The following SEL1L3 variants were observed in gnomAD, a reference collection of about 807,000 sequenced individuals.
SEL1L3 encodes the protein SEL1L family member 3, also known as protein sel-1 homolog 3.
Under a neutral mutation model 142.8 loss-of-function variants are expected in SEL1L3, and 76 were observed. The ratio of observed to expected loss-of-function variants is 0.53; its 90% CI spans 0.44 to 0.64. The LOEUF is 0.64. SEL1L3 is among the 30% of genes least tolerant of loss of function. The probability of loss-of-function intolerance (pLI) is 0.00; values close to 1 mark genes in which losing one functional copy is unlikely to be tolerated. For missense variants in SEL1L3, 1,262 were observed against 1,381.7 expected (o/e 0.91, Z 1.37); for synonymous variants, 504 against 519.6 (o/e 0.97, Z 0.41).
chr4:25,821,048 T>A (rs1280502014), intron 7 of SEL1L3, among the ~76,000 whole-genome samples: 1 of 152,234 alleles, frequency 6.6e-6, no homozygotes, highest in African/African-American at 2.4e-5. Context: ...AGATTTCTTA[T>A]TGTGGACAAC....
intron 1 of SEL1L3, among the ~76,000 whole-genome samples, chr4:25,858,678 T>C (rs1717440017): frequency 6.6e-6 from 1 of 152,062 alleles, no homozygotes; most frequent in Non-Finnish European, 1.5e-5. Flanking sequence ...CTCTCCCTCC[T>C]GGGTTCAAGC....
chr4:25,824,922 C>T (rs2109267705), intron 6 of SEL1L3, among the ~76,000 whole-genome samples: 1 of 152,098 alleles, frequency 6.6e-6, no homozygotes, highest in South Asian at 2.1e-4. Flanking sequence ...CTTTTGGGCT[C>T]TGATTATTTT....
chr4:25,788,351 T>A lies in SEL1L3; in HGVS notation c.2090A>T (p.Gln697Leu). 1 of 1,613,944 alleles carries A rather than the reference T, an allele frequency of 6.2e-7. No homozygotes were observed. Among genetic ancestry groups the A allele is most frequent in the Non-Finnish European group, 8.5e-7 (1 of 1,179,860 alleles). Residue 697 changes from glutamine to leucine, a missense_variant, in exon 13 of 24, where the codon CAG (glutamine) becomes CTG (leucine). Physicochemically the swap from Gln to Leu is moderately radical, Grantham distance 113. Transcript: ENST00000399878. The surrounding 1 kb of genome is among the most constrained non-coding windows in gnomAD (Gnocchi z 5.3). ...GNAAAQQRLA[Q>L]MLFWGQQGVA... ...ACCTTGCTGCCCCCAGAACAGCATC[T>A]GGGCCAATCGTTGCTTAAAGATAAT...
intron 14 of SEL1L3, 130 bp from the exon 15 acceptor site, chr4:25,782,548 T>C: frequency 1.3e-6 from 1 of 797,166 alleles, no homozygotes; most frequent in Non-Finnish European, 1.9e-6. Flanking sequence ...TTGGAGCAGA[T>C]GGCATTAAAG....
intron 23 of SEL1L3, among the ~76,000 whole-genome samples, chr4:25,755,044 C>T (rs1415971152): frequency 4.6e-5 from 7 of 151,950 alleles, no homozygotes; most frequent in Non-Finnish European, 7.4e-5. Context: ...AAAAGAAGTT[C>T]GAAATTCTGC....
intron 23 of SEL1L3, among the ~76,000 whole-genome samples, chr4:25,757,066 G>C (rs897790022): frequency 6.6e-6 from 1 of 152,010 alleles, no homozygotes; most frequent in Non-Finnish European, 1.5e-5. Context: ...TCAGGAATTC[G>C]AGACCAGCCT....
At chr4:25,859,958 G>A (rs779521980) in intron 1 of SEL1L3, among the ~76,000 whole-genome samples, 19 of 152,158 alleles carry the variant, frequency 1.2e-4, no homozygotes, top group African/African-American at 4.1e-4. Context: ...CTAATGGCCC[G>A]TACATCGATG....
At chr4:25,734,210 TG>T in the SEL1L3 span, among the ~76,000 whole-genome samples, 4 of 152,080 alleles carry the variant, frequency 2.6e-5, no homozygotes, top group East Asian at 7.8e-4. Context: ...TTTGTTTGTT[TG>T]TTTTTTGTAT....
At chr4:25,723,232 T>C in the SEL1L3 span, among the ~76,000 whole-genome samples, 8 of 152,182 alleles carry the variant, frequency 5.3e-5, no homozygotes, top group Admixed American at 1.3e-4. Context: ...TCTCTGTTGA[T>C]TAGGAGAACA....
rs113879802 is a variant in SEL1L3, at chr4:25,824,772, T to C, written c.1158-2644A>G. ...TGTAATCATACCATTTACTTACATA[T>C]GTAATTCAATAAAACATGAGTGGGG... On this transcript the variant is annotated intron_variant, in intron 6 of 23. Coordinates refer to ENST00000399878, the MANE Select transcript of SEL1L3 (RefSeq NM_015187.5). Among the ~76,000 whole-genome samples the C allele has an allele frequency of 9.9e-3, 1,515 of 152,358 alleles. 23 individuals carry two copies. Among genetic ancestry groups the C allele is most frequent in the African/African-American group, 0.034 (1,422 of 41,574 alleles).
chr4:25,818,247 C>T lies in SEL1L3; in HGVS notation c.1455G>A (p.Gln485=). The T allele has an allele frequency of 6.2e-7, 1 of 1,602,652 alleles. No homozygotes were observed. The highest frequency in any genetic ancestry group is 8.5e-7 in the Non-Finnish European group (1 of 1,174,602). Residue 485 remains glutamine, a synonymous_variant, in exon 9 of 24, where the codon CAG becomes CAA. Transcript: ENST00000399878. Reference sequence around the variant, plus strand: ...ACATCGAGGGTCTCCCATACCTGCGCTGGAGGTCCAGGTAGGAGTTGTGGA... The same window carrying T: ...ACATCGAGGGTCTCCCATACCTGCGTTGGAGGTCCAGGTAGGAGTTGTGGA... The part of the protein sequence containing the change: ...CHLHNSYLDL[Q]RRYGRPSMCR...
At chr4:25,851,336 C>A (rs1183505452) in intron 1 of SEL1L3, among the ~76,000 whole-genome samples, 1 of 152,090 alleles carries the variant, frequency 6.6e-6, no homozygotes, top group Non-Finnish European at 1.5e-5. Context: ...CAGTCACTTC[C>A]CATTTTTTTG....
intron 15 of SEL1L3, among the ~76,000 whole-genome samples, chr4:25,780,958 TG>T (rs1185605411): frequency 6.6e-6 from 1 of 151,490 alleles, no homozygotes; most frequent in Non-Finnish European, 1.5e-5. Flanking sequence ...CTCGAGTGCC[TG>T]AGATTACAAG....
chr4:25,804,521 G>T lies in SEL1L3; in HGVS notation c.1776+20C>A. The T allele has an allele frequency of 1.3e-6, 2 of 1,549,490 alleles. No homozygotes were observed. The highest frequency in any genetic ancestry group is 1.8e-6 in the Non-Finnish European group (2 of 1,127,924). On this transcript the variant is annotated intron_variant, in intron 10 of 23. Transcript: ENST00000399878. ...TATAATGCAAGTGACTGATGTTAAT[G>T]GAGCAATGAAATACTCTACCTGCAG...
the SEL1L3 span, among the ~76,000 whole-genome samples, chr4:25,731,084 G>A: frequency 3.3e-5 from 5 of 152,156 alleles, no homozygotes; most frequent in Admixed American, 6.5e-5. Flanking sequence ...AGTTACAAGT[G>A]TCAGGGCTGT....
intron 1 of SEL1L3, among the ~76,000 whole-genome samples, chr4:25,853,094 C>T (rs1018247736): frequency 8.5e-5 from 13 of 152,098 alleles, no homozygotes; most frequent in African/African-American, 2.4e-4. Flanking sequence ...CATACATACA[C>T]GCCAGGTGTT....
chr4:25,768,769 T>G (rs1348628989), intron 17 of SEL1L3, among the ~76,000 whole-genome samples: 1 of 152,016 alleles, frequency 6.6e-6, no homozygotes, highest in East Asian at 1.9e-4. Context: ...GGCAGGGTAT[T>G]CAAAAACATA....
At chr4:25,730,815 G>A in the SEL1L3 span, among the ~76,000 whole-genome samples, 2 of 152,116 alleles carry the variant, frequency 1.3e-5, no homozygotes, top group Non-Finnish European at 2.9e-5. Flanking sequence ...GATCACCTGA[G>A]GTCAGGAGTT....
intron 23 of SEL1L3, among the ~76,000 whole-genome samples, chr4:25,751,797 T>G (rs191191657): frequency 1.1e-4 from 16 of 151,946 alleles, no homozygotes; most frequent in Non-Finnish European, 1.8e-4. Context: ...AGTCAATGTT[T>G]TTGTTGAAAT....
Sources: gnomAD v4.1 joint callset for allele counts (sites outside exome capture counted in the v4.1 genomes callset) on GRCh38, gnomAD v4.1.1 for gene constraint, Gnocchi (gnomAD v3.1) non-coding constraint, MANE v1.5 for transcripts, NCBI Gene and HGNC (gene_info 2026-07-23, HGNC 2026-07-21) for gene names.